ZNF76: variants seen among roughly 807,000 people sequenced by gnomAD.
ZNF76 encodes zinc finger protein 523.
In ZNF76, 66 loss-of-function variants were observed where a neutral mutation model predicts 66.9. That is an observed-to-expected ratio of 0.99 (90% CI 0.81 to 1.21). ZNF76 has a LOEUF of 1.21. Ranked by LOEUF, ZNF76 falls within the 50% of genes most tolerant of loss-of-function variation. ZNF76 has a pLI of 0.00. For missense variants in ZNF76, 729 were observed against 760.3 expected, an observed-to-expected ratio of 0.96 and a Z score of 0.48; for synonymous variants, 275 against 296.1, an observed-to-expected ratio of 0.93 and a Z score of 0.73.
Position 35,292,141 on chromosome 6 carries a change from T to TA in ZNF76, c.931+405dup, listed in dbSNP as rs1439609597. 1 of 404,614 alleles carries TA rather than the reference T, an allele frequency of 2.5e-6. No individual in the cohort carries two copies. Among genetic ancestry groups the TA allele is most frequent in the Non-Finnish European group, 4.7e-6 (1 of 215,022 alleles). 25.1% of individuals were successfully genotyped at this position (404,614 alleles called of 1,614,324 possible). A position where few individuals can be genotyped will look rare whatever the true frequency, so the allele number is the denominator to read the frequency against. On this transcript the variant is annotated intron_variant, in intron 9 of 13. Coordinates refer to ENST00000373953, the MANE Select transcript of ZNF76 (RefSeq NM_003427.5). This position sits in a 1 kb window ranked among gnomAD's most constrained non-coding sequence, Gnocchi z 4.7. ...TGTGTATCCTCACCCTCCCCAGTGT[T>TA]ATGCCCCTCATCCAGCTTTCTGTGT...
intron 6 of ZNF76, 68 bp downstream of exon 6, chr6:35,290,450 G>T: frequency 6.3e-7 from 1 of 1,595,014 alleles, no homozygotes; most frequent in Non-Finnish European, 8.6e-7. Flanking sequence ...CTACCTTTCT[G>T]CTTTGATTGG....
intron 1 of ZNF76, among the ~76,000 whole-genome samples, chr6:35,273,990 C>T (rs972097174): frequency 2.0e-5 from 3 of 152,172 alleles, no homozygotes; most frequent in Non-Finnish European, 4.4e-5. Context: ...TAGAAACCCA[C>T]AGAACCAGGC....
intron 1 of ZNF76, among the ~76,000 whole-genome samples, chr6:35,267,229 C>T (rs1439354726): frequency 6.6e-6 from 1 of 152,130 alleles, no homozygotes. Context: ...TCCTGAGTAG[C>T]TGGGACTACA....
At chr6:35,288,032 TG>T in intron 5 of ZNF76, 187 bp downstream of exon 5, 1 of 732,004 alleles carries the variant, frequency 1.4e-6, no homozygotes, top group Middle Eastern at 2.3e-4. Context: ...CACACATCAT[TG>T]TCTAGGGCAT....
At chr6:35,266,955 C>T (rs990548154) in intron 1 of ZNF76, among the ~76,000 whole-genome samples, 3 of 150,834 alleles carry the variant, frequency 2.0e-5, no homozygotes, top group Admixed American at 2.0e-4. Context: ...TGCCCACCAC[C>T]GCGCCCGGCT....
intron 1 of ZNF76, among the ~76,000 whole-genome samples, chr6:35,261,675 T>G (rs1005839246): frequency 6.6e-6 from 1 of 152,298 alleles, no homozygotes; most frequent in South Asian, 2.1e-4. Context: ...ATTCCTTATT[T>G]TCTAGTAATT....
chr6:35,272,467 TTC>T (rs944822710), intron 1 of ZNF76, among the ~76,000 whole-genome samples: 1 of 105,552 alleles, frequency 9.5e-6, no homozygotes, highest in African/African-American at 3.7e-5. Flanking sequence ...AAGACCCTGT[TTC>T]TGTGTGTGTG....
intron 2 of ZNF76, among the ~76,000 whole-genome samples, chr6:35,283,104 T>G (rs1247460557): frequency 3.9e-5 from 6 of 152,134 alleles, no homozygotes; most frequent in Non-Finnish European, 8.8e-5. Flanking sequence ...GAATTAATGG[T>G]CAAACAAATG....
At position 35,281,163 on chromosome 6, in the gene ZNF76, G is replaced by A. The variant is rs139970455; in HGVS notation, c.12G>A (p.Leu4=). The A allele has an allele frequency of 1.1e-3, 1,831 of 1,614,018 alleles. 4 individuals are homozygous for A. The highest frequency in any genetic ancestry group is 3.5e-3 in the South Asian group (318 of 91,084). The change falls in exon 2 of 14, where the codon TTG becomes TTA. Residue 4 remains leucine (L), a synonymous_variant. Transcript: ENST00000373953. MES[L]GLHTVTLSDG... ...AGCAGCAGTTTGCCATGGAGAGCTTGGGGCTGCACACGGTGACCCTTAGTG... is the reference window on the plus strand; with the variant it reads ...AGCAGCAGTTTGCCATGGAGAGCTTAGGGCTGCACACGGTGACCCTTAGTG...
In ZNF76 at chr6:35,293,894, C is replaced by T. The variant is rs754245520; in HGVS notation, c.1473C>T (p.Ala491=). 3.5e-5 allele frequency: 57 copies of T among 1,613,988 alleles called. No homozygotes were observed. Among genetic ancestry groups the T allele is most frequent in the Middle Eastern group, 1.6e-4 (1 of 6,084 alleles). Residue 491 remains alanine (A), a synonymous_variant, in exon 12 of 14, where the codon GCC becomes GCT. Coordinates refer to ENST00000373953, the MANE Select transcript of ZNF76 (RefSeq NM_003427.5). Reference sequence around the variant, plus strand: ...CACATACAGTCACCATGGTCAGCGCCGATGGCACCCAGACGCAGCCCGTAT... The same window carrying T: ...CACATACAGTCACCATGGTCAGCGCTGATGGCACCCAGACGCAGCCCGTAT... ...SGTHTVTMVS[A]DGTQTQPVTI... is the part of the protein sequence containing the mutation.
At chr6:35,291,481 A>T in intron 8 of ZNF76, 77 bp from the exon 9 acceptor site, 1 of 1,610,302 alleles carries the variant, frequency 6.2e-7, no homozygotes, top group Non-Finnish European at 8.5e-7. Context: ...TTAGACCTGG[A>T]GCCCAGTGCC....
Position 35,269,558 on chromosome 6 carries a change from C to T in ZNF76, c.-97+9717C>T, listed in dbSNP as rs1438539301. Among the ~76,000 whole-genome samples, 6 of 152,226 alleles carry T rather than the reference C, an allele frequency of 3.9e-5. No homozygotes were observed. In the East Asian group the frequency reaches 1.2e-3, roughly 29 times the overall value. On this transcript the variant is annotated intron_variant, in intron 1 of 13. Coordinates refer to ENST00000373953, the MANE Select transcript of ZNF76 (RefSeq NM_003427.5). ...TCACTTCATTTGTTGGGAGTTCCTG[C>T]TACTTTTGGATGGTTGATAAAGCAT...
In ZNF76 at chr6:35,292,302, T is replaced by G; in HGVS notation, c.932-252T>G. ...AGCCCCAGTGCCCCCTACCAGCCCCTTCACTAGCCCCAGCCTTGCCCTGTC... is the reference window on the plus strand; with the variant it reads ...AGCCCCAGTGCCCCCTACCAGCCCCGTCACTAGCCCCAGCCTTGCCCTGTC... On this transcript the variant is annotated intron_variant, in intron 9 of 13. Coordinates refer to ENST00000373953, the MANE Select transcript of ZNF76 (RefSeq NM_003427.5). The surrounding 1 kb of genome is among the most constrained non-coding windows in gnomAD (Gnocchi z 4.7). The G allele has an allele frequency of 2.1e-6, 1 of 478,892 alleles. No individual in the cohort carries two copies. Among genetic ancestry groups the G allele is most frequent in the Non-Finnish European group, 3.9e-6 (1 of 259,340 alleles). 29.7% of individuals were successfully genotyped at this position (478,892 alleles called of 1,614,324 possible). A position where few individuals can be genotyped will look rare whatever the true frequency, so the allele number is the denominator to read the frequency against.
chr6:35,269,684 A>G (rs780995378), intron 1 of ZNF76, among the ~76,000 whole-genome samples: 2 of 152,216 alleles, frequency 1.3e-5, no homozygotes, highest in South Asian at 2.1e-4. Context: ...AGGGGTGCCT[A>G]AGACCAGAGT....
In ZNF76 at chr6:35,287,889, G is replaced by T; in HGVS notation, c.432+44G>T. 6.5e-7 allele frequency: 1 copy of T among 1,548,512 alleles called. No homozygotes were observed. On this transcript the variant is annotated intron_variant, in intron 5 of 13. Transcript: ENST00000373953. This position sits in a 1 kb window ranked among gnomAD's most constrained non-coding sequence, Gnocchi z 4.0. ...ACACGGTCTGTCACTCTAGACAACC[G>T]GGCCTGGCCTGCGCACTGCCTCTTG...
intron 1 of ZNF76, among the ~76,000 whole-genome samples, chr6:35,265,898 A>C (rs938166625): frequency 1.3e-5 from 2 of 152,178 alleles, no homozygotes; most frequent in African/African-American, 4.8e-5. Context: ...CAGATAAATA[A>C]CATGGCCTGA....
At chr6:35,278,189 A>G (rs1788204308) in intron 1 of ZNF76, among the ~76,000 whole-genome samples, 1 of 149,840 alleles carries the variant, frequency 6.7e-6, no homozygotes, top group East Asian at 2.0e-4. Flanking sequence ...TTTTTTTGAG[A>G]CGGAGTTTCG....
intron 1 of ZNF76, chr6:35,270,448 AGT>A (rs1262551721): frequency 6.6e-6 from 1 of 151,952 alleles, no homozygotes; most frequent in Non-Finnish European, 1.5e-5. Context: ...TTTTTCGTGG[AGT>A]ATAAAAGATA....
intron 2 of ZNF76, 81 bp downstream of exon 2, chr6:35,281,305 A>G (rs1199927455): frequency 4.4e-6 from 6 of 1,376,224 alleles, no homozygotes; most frequent in African/African-American, 2.8e-5. Context: ...GAGTCCCACC[A>G]TCACCTTGCC....
Sources: gnomAD v4.1 joint callset for allele counts (sites outside exome capture counted in the v4.1 genomes callset) on GRCh38, gnomAD v4.1.1 for gene constraint, Gnocchi (gnomAD v3.1) non-coding constraint, MANE v1.5 for transcripts, NCBI Gene and HGNC (gene_info 2026-07-23, HGNC 2026-07-21) for gene names.